DCC: variants seen among roughly 807,000 people sequenced by gnomAD.
The protein encoded by DCC is DCC netrin 1 receptor, also known as netrin receptor DCC.
In DCC, 58 loss-of-function variants were observed where a neutral mutation model predicts 172.5. The ratio of observed to expected loss-of-function variants is 0.34; its 90% CI spans 0.27 to 0.42. The LOEUF (loss-of-function observed/expected upper bound fraction) is 0.42, where lower values mean the gene tolerates loss of function less well. DCC is among the 10% of genes least tolerant of loss of function. The pLI, the probability that DCC is intolerant of heterozygous loss-of-function variation, is 1.00. For synonymous variants in DCC, 709 were observed against 644.5 expected (o/e 1.10, Z -1.52); for missense variants, 1,740 against 1,791.0 (o/e 0.97, Z 0.51).
chr18:53,488,708 GT>G (rs965379044), intron 26 of DCC, among the ~76,000 whole-genome samples: 6 of 152,144 alleles, frequency 3.9e-5, no homozygotes, highest in Non-Finnish European at 7.4e-5. Flanking sequence ...TATAAAATTT[GT>G]TTTTATCTGT....
chr18:53,069,108 C>G (rs913095989), intron 7 of DCC, among the ~76,000 whole-genome samples: 2 of 152,000 alleles, frequency 1.3e-5, no homozygotes, highest in South Asian at 2.1e-4. Context: ...GATGGAAGTA[C>G]AGTAACACCA....
intron 15 of DCC, among the ~76,000 whole-genome samples, chr18:53,342,793 G>T (rs1426673401): frequency 1.6e-5 from 2 of 122,098 alleles, no homozygotes; most frequent in African/African-American, 5.3e-5. Flanking sequence ...TTGAATATAT[G>T]AACATATATT....
At chr18:53,264,558 G>C (rs1160336906) in intron 12 of DCC, among the ~76,000 whole-genome samples, 1 of 151,272 alleles carries the variant, frequency 6.6e-6, no homozygotes, top group Admixed American at 6.6e-5. Context: ...AATGCTCTTG[G>C]CTTAGAGTTT....
At chr18:52,950,908 C>A (rs1220224136) in intron 5 of DCC, among the ~76,000 whole-genome samples, 1 of 122,642 alleles carries the variant, frequency 8.2e-6, no homozygotes, top group Non-Finnish European at 1.6e-5. Flanking sequence ...CTAGCCTGGG[C>A]GACAGAGTGA....
chr18:53,457,557 T>C (rs1041703578), intron 23 of DCC, among the ~76,000 whole-genome samples: 5 of 152,146 alleles, frequency 3.3e-5, no homozygotes, highest in African/African-American at 9.7e-5. Flanking sequence ...GATAACAGGG[T>C]GAAACATCCA....
At chr18:53,009,693 G>C (rs1163159725) in intron 5 of DCC, among the ~76,000 whole-genome samples, 2 of 151,804 alleles carry the variant, frequency 1.3e-5, no homozygotes, top group African/African-American at 2.4e-5. Flanking sequence ...AACATTTTTG[G>C]CATTTAGTGG....
At chr18:52,608,567 G>C (rs1415839491) in intron 1 of DCC, among the ~76,000 whole-genome samples, 3 of 152,168 alleles carry the variant, frequency 2.0e-5, no homozygotes, top group African/African-American at 7.2e-5. Flanking sequence ...GAGATTACTG[G>C]AAGTTAATTT....
At chr18:53,121,804 A>G (rs1392179193) in intron 7 of DCC, among the ~76,000 whole-genome samples, 3 of 151,904 alleles carry the variant, frequency 2.0e-5, no homozygotes, top group Non-Finnish European at 2.9e-5. Flanking sequence ...CAAACCAGAG[A>G]AGTTAAGTAA....
At chr18:53,076,159 G>C (rs563747198) in intron 7 of DCC, among the ~76,000 whole-genome samples, 2 of 152,122 alleles carry the variant, frequency 1.3e-5, no homozygotes, top group Non-Finnish European at 2.9e-5. Context: ...TTTGGCACAA[G>C]ACGTATGATA....
chr18:52,720,463 AC>A (rs1354296567), intron 1 of DCC, among the ~76,000 whole-genome samples: 1 of 152,176 alleles, frequency 6.6e-6, no homozygotes, highest in Non-Finnish European at 1.5e-5. Flanking sequence ...GTGCTATCAC[AC>A]AGGATGGGAA....
intron 1 of DCC, among the ~76,000 whole-genome samples, chr18:52,716,746 C>T (rs117575049): frequency 6.6e-6 from 1 of 152,342 alleles, no homozygotes; most frequent in East Asian, 1.9e-4. Flanking sequence ...TATGTCCTAG[C>T]TCCCTGTAGT....
At chr18:52,756,439 C>T (rs933363792) in intron 2 of DCC, among the ~76,000 whole-genome samples, 21 of 152,204 alleles carry the variant, frequency 1.4e-4, no homozygotes, top group African/African-American at 4.1e-4. Flanking sequence ...TTCTACTCCT[C>T]CTCCTTCTTC....
At chr18:52,529,286 T>G (rs1249329954) in intron 1 of DCC, among the ~76,000 whole-genome samples, 1 of 152,134 alleles carries the variant, frequency 6.6e-6, no homozygotes, top group Non-Finnish European at 1.5e-5. Context: ...TTTTTTGGTT[T>G]GTTTGTTTTT....
chr18:53,259,125 C>T (rs998468823), intron 12 of DCC, among the ~76,000 whole-genome samples: 4 of 152,178 alleles, frequency 2.6e-5, no homozygotes, highest in African/African-American at 9.6e-5. Context: ...AGATGGGTTT[C>T]CTGAATACAG....
At chr18:52,679,594 C>T (rs186627570) in intron 1 of DCC, among the ~76,000 whole-genome samples, 16 of 152,196 alleles carry the variant, frequency 1.1e-4, no homozygotes, top group East Asian at 1.9e-4. Context: ...CAGAACCCTC[C>T]GCAGGAGAAA....
At chr18:52,815,607 A>T (rs2038281630) in intron 2 of DCC, among the ~76,000 whole-genome samples, 1 of 152,176 alleles carries the variant, frequency 6.6e-6, no homozygotes, top group Non-Finnish European at 1.5e-5. Context: ...TCTGCTGTTG[A>T]AGCCACTCAG....
chr18:53,452,382 C>A (rs2145152804), intron 23 of DCC, among the ~76,000 whole-genome samples: 1 of 149,818 alleles, frequency 6.7e-6, no homozygotes, highest in African/African-American at 2.4e-5. Flanking sequence ...GATTTGGGTT[C>A]CCCCCCGCCC....
chr18:53,377,269 G>A (rs1599081989), intron 15 of DCC, among the ~76,000 whole-genome samples: 1 of 152,004 alleles, frequency 6.6e-6, no homozygotes, highest in African/African-American at 2.4e-5. Context: ...GAAGTCCAAG[G>A]ACAAGGAGCT....
chr18:52,984,008 G>A (rs1425445997), intron 5 of DCC, among the ~76,000 whole-genome samples: 1 of 151,976 alleles, frequency 6.6e-6, no homozygotes, highest in Non-Finnish European at 1.5e-5. Context: ...TCCTTGTGTT[G>A]AAATATTTTC....
Sources: gnomAD v4.1 joint callset for allele counts (sites outside exome capture counted in the v4.1 genomes callset) on GRCh38, gnomAD v4.1.1 for gene constraint, MANE v1.5 for transcripts, NCBI Gene and HGNC (gene_info 2026-07-23, HGNC 2026-07-21) for gene names.